Variants in METAP1 observed in about 807,000 individuals in gnomAD.
The protein encoded by METAP1 is methionine aminopeptidase 1.
METAP1 carries 28 observed loss-of-function variants against 53.8 expected under a neutral mutation model. The ratio of observed to expected loss-of-function variants is 0.52; its 90% confidence interval spans 0.39 to 0.71. The LOEUF is 0.71. METAP1 is among the 30% of genes least tolerant of loss of function. METAP1 has a pLI of 0.00. For synonymous variants in METAP1, 181 were observed against 165.7 expected, an observed-to-expected ratio of 1.09 and a Z score of -0.71; for missense variants, 389 against 479.8, an observed-to-expected ratio of 0.81 and a Z score of 1.77.
rs776450607 is a variant in METAP1 at position 99,061,282 on chromosome 4, G to C, written c.1126G>C (p.Asp376His). ...TGCEILTRRL[D>H]SARPHFMSQF ...CTGTGAAATCCTAACCCGGCGACTT[G>C]ACAGTGCACGGCCTCACTTCATGTC... Residue 376 changes from aspartate (D) to histidine (H), a missense_variant, in exon 11 of 11, where the codon GAC becomes CAC. Asp to His is a moderately conservative substitution (Grantham distance 81). Coordinates refer to ENST00000296411, the MANE Select transcript of METAP1 (RefSeq NM_015143.3). 1 of 1,613,924 alleles carries C rather than the reference G, an allele frequency of 6.2e-7. No homozygotes were observed. The highest frequency in any genetic ancestry group is 8.5e-7 in the Non-Finnish European group (1 of 1,179,856).
chr4:99,013,020 A>G (rs570982206), intron 1 of METAP1, among the ~76,000 whole-genome samples: 3 of 152,286 alleles, frequency 2.0e-5, no homozygotes, highest in African/African-American at 7.2e-5. Flanking sequence ...GTGAAGACCA[A>G]GGTTCTTACT....
intron 5 of METAP1, 32 bp downstream of exon 5, chr4:99,039,497 A>G: frequency 1.5e-6 from 2 of 1,345,976 alleles, no homozygotes; most frequent in Non-Finnish European, 2.1e-6. Context: ...TGGGGTAGGA[A>G]ATGTTTAAGC....
chr4:99,060,427 G>A (rs1486005207), intron 10 of METAP1, among the ~76,000 whole-genome samples: 2 of 144,970 alleles, frequency 1.4e-5, no homozygotes, highest in Non-Finnish European at 1.5e-5. Flanking sequence ...GCAGTGGCGC[G>A]ATCTCAGCTC....
chr4:99,007,671 C>G (rs762918651), intron 1 of METAP1, among the ~76,000 whole-genome samples: 1 of 151,958 alleles, frequency 6.6e-6, no homozygotes, highest in Non-Finnish European at 1.5e-5. Flanking sequence ...GGGCACTAAC[C>G]AGTAGTTGCA....
chr4:99,032,511 G>A (rs1190220955), intron 2 of METAP1, among the ~76,000 whole-genome samples: 1 of 152,094 alleles, frequency 6.6e-6, no homozygotes, highest in Non-Finnish European at 1.5e-5. Context: ...TATTACAGGC[G>A]TGACCTGCTG....
chr4:99,033,125 C>T (rs2110342566), intron 2 of METAP1, among the ~76,000 whole-genome samples: 1 of 152,222 alleles, frequency 6.6e-6, no homozygotes, highest in Middle Eastern at 3.4e-3. Context: ...GTCTCTGTTT[C>T]CTCATATGTA....
intron 9 of METAP1, among the ~76,000 whole-genome samples, chr4:99,053,538 C>T (rs1455998459): frequency 6.6e-6 from 1 of 152,236 alleles, no homozygotes; most frequent in East Asian, 1.9e-4. Flanking sequence ...CAGGCGTGTG[C>T]CACCACACCC....
At chr4:99,009,686 T>TA (rs1723376447) in intron 1 of METAP1, among the ~76,000 whole-genome samples, 1 of 152,210 alleles carries the variant, frequency 6.6e-6, no homozygotes, top group Non-Finnish European at 1.5e-5. Flanking sequence ...AATGTCTGCT[T>TA]AAGTCTTTTG....
intron 1 of METAP1, chr4:99,023,409 T>C: frequency 1.1e-6 from 1 of 890,282 alleles, no homozygotes; most frequent in Non-Finnish European, 1.4e-6. Context: ...TATTTGTAAG[T>C]ATTTATATAT....
chr4:99,050,845 G>GA (rs1726642016), intron 9 of METAP1, among the ~76,000 whole-genome samples: 2 of 152,182 alleles, frequency 1.3e-5, no homozygotes, highest in South Asian at 4.1e-4. Flanking sequence ...CTGGTCTGTG[G>GA]AAAAATTCTG....
chr4:99,018,529 T>C (rs1723910362), intron 1 of METAP1, among the ~76,000 whole-genome samples: 1 of 152,182 alleles, frequency 6.6e-6, no homozygotes, highest in African/African-American at 2.4e-5. Flanking sequence ...GGTCCTCCCA[T>C]TTGAATGTGA....
chr4:99,034,105 G>A (rs2110345185), intron 2 of METAP1, 125 bp from the exon 3 acceptor site: 1 of 622,664 alleles, frequency 1.6e-6, no homozygotes, highest in Non-Finnish European at 2.8e-6. Context: ...TTTGTGCCTG[G>A]ACTTGTTGGC....
intron 1 of METAP1, among the ~76,000 whole-genome samples, chr4:99,002,166 T>C (rs1410093652): frequency 6.6e-6 from 1 of 152,138 alleles, no homozygotes; most frequent in Non-Finnish European, 1.5e-5. Flanking sequence ...TTCATAGGAG[T>C]GACAGACATA....
intron 1 of METAP1, among the ~76,000 whole-genome samples, chr4:99,004,227 C>T (rs1723057319): frequency 6.6e-6 from 1 of 152,114 alleles, no homozygotes; most frequent in South Asian, 2.1e-4. Flanking sequence ...ATGGAATCTT[C>T]ATTCCTTCAG....
intron 2 of METAP1, 137 bp downstream of exon 2, chr4:99,029,055 A>G: frequency 1.8e-6 from 1 of 559,740 alleles, no homozygotes; most frequent in Admixed American, 3.7e-5. Context: ...ATTATGACAT[A>G]TTTTAAATTT....
intron 1 of METAP1, among the ~76,000 whole-genome samples, chr4:99,002,574 G>A (rs1045645547): frequency 6.6e-6 from 1 of 152,130 alleles, no homozygotes; most frequent in African/African-American, 2.4e-5. Flanking sequence ...AACGAGGCCT[G>A]CCTTTCTCAT....
intron 4 of METAP1, among the ~76,000 whole-genome samples, chr4:99,037,017 A>G (rs1163345382): frequency 2.0e-5 from 3 of 152,012 alleles, no homozygotes; most frequent in African/African-American, 7.2e-5. Context: ...CTAATCTGAA[A>G]GACGAAAAAT....
At chr4:99,031,460 C>T (rs1201634766) in intron 2 of METAP1, 1 of 1,282,690 alleles carries the variant, frequency 7.8e-7, no homozygotes, top group Non-Finnish European at 1.0e-6. Context: ...ACTTTTCCTT[C>T]CACTCCCCTA....
intron 2 of METAP1, among the ~76,000 whole-genome samples, chr4:99,030,775 G>A (rs1441900502): frequency 8.0e-6 from 1 of 124,500 alleles, no homozygotes; most frequent in Non-Finnish European, 1.9e-5. Context: ...AGACGATATA[G>A]TTAGGTTTTT....
Sources: gnomAD v4.1 joint callset for allele counts (sites outside exome capture counted in the v4.1 genomes callset) on GRCh38, gnomAD v4.1.1 for gene constraint, MANE v1.5 for transcripts, NCBI Gene and HGNC (gene_info 2026-07-23, HGNC 2026-07-21) for gene names.